The following GASK1B variants were observed in gnomAD, a reference collection of about 807,000 sequenced individuals.
GASK1B encodes the protein Golgi-associated kinase 1B.
In GASK1B, 34 loss-of-function variants were observed where a neutral mutation model predicts 42.8. That is an observed-to-expected ratio of 0.79 (90% CI 0.60 to 1.06). The LOEUF (loss-of-function observed/expected upper bound fraction) is 1.06, where lower values mean the gene tolerates loss of function less well. GASK1B is among the 50% of genes least tolerant of loss of function. GASK1B has a pLI of 0.00. For missense variants in GASK1B, 686 were observed against 661.0 expected (o/e 1.04, Z -0.42); for synonymous variants, 262 against 259.1 (o/e 1.01, Z -0.11).
chr4:158,127,846 C>A (rs1308062347), intron 4 of GASK1B, among the ~76,000 whole-genome samples: 1 of 152,092 alleles, frequency 6.6e-6, no homozygotes, highest in Admixed American at 6.6e-5. Context: ...TGACAGACTT[C>A]TTACTTAAGG....
At chr4:158,169,970 G>A in intron 2 of GASK1B, 2 of 435,118 alleles carry the variant, frequency 4.6e-6, no homozygotes, top group Non-Finnish European at 8.1e-6. Context: ...GAAAAAAAAA[G>A]GGGGGGTTAA....
In GASK1B at chr4:158,171,401, C is replaced by A. The variant is rs752856329; in HGVS notation, c.-26G>T. On this transcript the variant is annotated 5_prime_UTR_variant, in exon 2 of 5. Transcript: ENST00000585682. ...TTCTCTGCCGCATCCACATGTTGAA[C>A]GGAGTTTAAAGTCTGCAGTTGGCTC... 5.9e-6 allele frequency: 9 copies of A among 1,533,404 alleles called. No homozygotes were observed. Among genetic ancestry groups the A allele is most frequent in the Non-Finnish European group, 7.9e-6 (9 of 1,137,864 alleles). The allele number at this position is 1,533,404 out of a possible 1,614,324, so 95.0% of individuals were successfully genotyped here.
At chr4:158,166,047 A>T (rs1380559442) in intron 2 of GASK1B, among the ~76,000 whole-genome samples, 1 of 152,144 alleles carries the variant, frequency 6.6e-6, no homozygotes, top group East Asian at 1.9e-4. Flanking sequence ...CTTCCTACAC[A>T]GAAACATACA....
At chr4:158,133,921 G>A (rs541993397) in intron 3 of GASK1B, among the ~76,000 whole-genome samples, 13 of 152,080 alleles carry the variant, frequency 8.5e-5, no homozygotes, top group African/African-American at 2.2e-4. Context: ...GTGTGTGCGC[G>A]TGCACGAACA....
chr4:158,142,191 G>A (rs1183723451), intron 3 of GASK1B, among the ~76,000 whole-genome samples: 2 of 150,746 alleles, frequency 1.3e-5, no homozygotes, highest in South Asian at 2.1e-4. Context: ...TGATCCACCC[G>A]CCTCGGCCTC....
At chr4:158,154,043 T>C (rs1372804023) in intron 3 of GASK1B, among the ~76,000 whole-genome samples, 1 of 151,602 alleles carries the variant, frequency 6.6e-6, no homozygotes, top group Non-Finnish European at 1.5e-5. Context: ...GGCTTCTGCA[T>C]AGCAAAAGAA....
At chr4:158,141,115 G>A (rs1169245505) in intron 3 of GASK1B, among the ~76,000 whole-genome samples, 1 of 152,082 alleles carries the variant, frequency 6.6e-6, no homozygotes, top group Non-Finnish European at 1.5e-5. Flanking sequence ...TGAGGCTTTA[G>A]AAAAACAACG....
chr4:158,144,697 A>G (rs530239044), intron 3 of GASK1B, among the ~76,000 whole-genome samples: 1 of 152,300 alleles, frequency 6.6e-6, no homozygotes, highest in East Asian at 1.9e-4. Context: ...TCCTAGATCC[A>G]CCAGTTCAGC....
rs1731488592 is a variant in GASK1B at position 158,149,942 on chromosome 4, T to TTTTTTTTTTTTTTTA, written c.1125+5668_1125+5669insTAAAAAAAAAAAAAA. 2.1e-5 allele frequency among the ~76,000 whole-genome samples: 3 copies of TTTTTTTTTTTTTTTA among 142,058 alleles called. 1 individual carries two copies. Among genetic ancestry groups the TTTTTTTTTTTTTTTA allele is most frequent in the Non-Finnish European group, 4.6e-5 (3 of 65,802 alleles). The allele number at this position is 142,058 out of a possible 152,430, so 93.2% of individuals were successfully genotyped here. ...ATGCTGCTTTTTTTTTTTTTTTTTT[T>TTTTTTTTTTTTTTTA]GAGACGGAGTCTCACTCTGTCGCCC... is the stretch of plus-strand genomic sequence containing the variant. On this transcript the variant is annotated intron_variant, in intron 3 of 4. Transcript: ENST00000585682.
At chr4:158,146,022 A>G (rs1223031855) in intron 3 of GASK1B, among the ~76,000 whole-genome samples, 1 of 152,220 alleles carries the variant, frequency 6.6e-6, no homozygotes, top group Non-Finnish European at 1.5e-5. Context: ...TTTATTTTCT[A>G]AACTTCTAAT....
chr4:158,130,532 C>G (rs1730633725), intron 4 of GASK1B, among the ~76,000 whole-genome samples: 1 of 152,154 alleles, frequency 6.6e-6, no homozygotes, highest in Non-Finnish European at 1.5e-5. Context: ...CAATGAGAAC[C>G]AAGCAACATC....
chr4:158,170,502 G>A lies in GASK1B; in HGVS notation c.874C>T (p.Leu292=). The change falls in exon 2 of 5, where the codon CTG becomes TTG. Residue 292 remains leucine, a synonymous_variant. Transcript: ENST00000585682. ...LDRILGLNRT[L]PSVSRKAEFI... ...TCTGCTTTCCTGCTCACAGACGGCA[G>A]GGTCCTGTTGAGCCCCAGGATCCTG... 1 of 1,614,272 alleles carries A rather than the reference G, an allele frequency of 6.2e-7. No individual in the cohort carries two copies. Among genetic ancestry groups the A allele is most frequent in the Non-Finnish European group, 8.5e-7 (1 of 1,180,054 alleles).
At chr4:158,141,318 G>A (rs1356294664) in intron 3 of GASK1B, among the ~76,000 whole-genome samples, 3 of 151,652 alleles carry the variant, frequency 2.0e-5, no homozygotes, top group African/African-American at 7.2e-5. Context: ...TCATTACAGA[G>A]GCATAGCTTA....
At chr4:158,151,702 T>C (rs1004444994) in intron 3 of GASK1B, among the ~76,000 whole-genome samples, 1 of 152,114 alleles carries the variant, frequency 6.6e-6, no homozygotes, top group African/African-American at 2.4e-5. Context: ...CTAGAGGAGA[T>C]GGACAAATTC....
At chr4:158,151,176 C>A (rs567299620) in intron 3 of GASK1B, among the ~76,000 whole-genome samples, 1 of 152,088 alleles carries the variant, frequency 6.6e-6, no homozygotes, top group African/African-American at 2.4e-5. Context: ...AGATATTTAT[C>A]AAAGGGAGAA....
At chr4:158,149,543 T>C (rs1033445795) in intron 3 of GASK1B, among the ~76,000 whole-genome samples, 3 of 151,576 alleles carry the variant, frequency 2.0e-5, no homozygotes, top group African/African-American at 7.3e-5. Context: ...AACCTCAAGG[T>C]CCATTCTCAT....
rs138322876 is a variant in GASK1B at position 158,167,830 on chromosome 4, T to C, written c.910+2636A>G. On this transcript the variant is annotated intron_variant, in intron 2 of 4. Coordinates refer to ENST00000585682, the MANE Select transcript of GASK1B (RefSeq NM_001128424.2). ...GGTGGGCTGCAAGGCTCAAATAAAGTCAAACTCTGACCAACAGAATAGCAG... is the reference window on the plus strand; with the variant it reads ...GGTGGGCTGCAAGGCTCAAATAAAGCCAAACTCTGACCAACAGAATAGCAG... Among the ~76,000 whole-genome samples the C allele has an allele frequency of 2.1e-3, 321 of 152,190 alleles. 1 individual carries two copies. The highest frequency in any genetic ancestry group is 7.4e-3 in the African/African-American group (309 of 41,524).
rs745441423 is a variant in GASK1B, at chr4:158,149,923, C to CTT, written c.1125+5686_1125+5687dup. 7.4e-5 allele frequency among the ~76,000 whole-genome samples: 5 copies of CTT among 67,180 alleles called. 1 individual carries two copies. Among genetic ancestry groups the CTT allele is most frequent in the African/African-American group, 2.5e-4 (4 of 16,316 alleles). 44.1% of individuals were successfully genotyped at this position (67,180 alleles called of 152,430 possible). A position where few individuals can be genotyped will look rare whatever the true frequency, so the allele number is the denominator to read the frequency against. On this transcript the variant is annotated intron_variant, in intron 3 of 4. Coordinates refer to ENST00000585682, the MANE Select transcript of GASK1B (RefSeq NM_001128424.2). ...ATCTTAGATTTTGTTCTGCATGCTG[C>CTT]TTTTTTTTTTTTTTTTTTTGAGACG... is the stretch of plus-strand genomic sequence containing the variant.
At chr4:158,136,005 G>A (rs1730876266) in intron 3 of GASK1B, among the ~76,000 whole-genome samples, 1 of 152,000 alleles carries the variant, frequency 6.6e-6, no homozygotes, top group African/African-American at 2.4e-5. Flanking sequence ...TTTTTGAAAT[G>A]GAAAATACCA....
Sources: gnomAD v4.1 joint callset for allele counts (sites outside exome capture counted in the v4.1 genomes callset) on GRCh38, gnomAD v4.1.1 for gene constraint, MANE v1.5 for transcripts, NCBI Gene and HGNC (gene_info 2026-07-23, HGNC 2026-07-21) for gene names.